CKAP2L: variants seen among roughly 807,000 people sequenced by gnomAD.
The protein encoded by CKAP2L is cytoskeleton associated protein 2L, also known as cytoskeleton-associated protein 2-like.
CKAP2L carries 42 observed loss-of-function variants against 65.7 expected under a neutral mutation model. The observed-to-expected ratio is 0.64, with a 90% CI of 0.50 to 0.83. The LOEUF (loss-of-function observed/expected upper bound fraction) is 0.83, where lower values mean the gene tolerates loss of function less well. CKAP2L is among the 40% of genes least tolerant of loss of function. CKAP2L has a pLI of 0.00. For synonymous variants in CKAP2L, 325 were observed against 313.5 expected (o/e 1.04, Z -0.39); for missense variants, 908 against 871.0 (o/e 1.04, Z -0.53).
At chr2:112,740,028 G>C (rs1679788335) in intron 8 of CKAP2L, among the ~76,000 whole-genome samples, 1 of 152,122 alleles carries the variant, frequency 6.6e-6, no homozygotes, top group Non-Finnish European at 1.5e-5. Context: ...AATCTTGGCA[G>C]ACTTGCCTGC....
intron 2 of CKAP2L, among the ~76,000 whole-genome samples, chr2:112,762,077 C>G (rs1398336096): frequency 6.6e-6 from 1 of 152,138 alleles, no homozygotes; most frequent in Non-Finnish European, 1.5e-5. Flanking sequence ...GAGAATGACC[C>G]AAGAGCAGAG....
chr2:112,741,341 C>T (rs60954436), intron 7 of CKAP2L, among the ~76,000 whole-genome samples: 4,978 of 152,228 alleles, frequency 0.033, 273 homozygotes, highest in African/African-American at 0.11. Context: ...TGGCCTTCTA[C>T]CCTTACACCA....
rs1395271168 is a variant in CKAP2L at position 112,749,289 on chromosome 2, A to G, written c.1603-2714T>C. Among the ~76,000 whole-genome samples the G allele has an allele frequency of 2.0e-5, 3 of 152,230 alleles. No homozygotes were observed. The East Asian group carries it at 5.8e-4, about 29-fold the overall frequency. ...CAGGTGTGGCAAGATTAATCAGACA[A>G]AAGAAATCAAAGCAAGTCATGAATC... is the stretch of plus-strand genomic sequence containing the variant. On this transcript the variant is annotated intron_variant, in intron 5 of 8. Transcript: ENST00000302450.
chr2:112,758,822 C>G (rs1680624397), intron 3 of CKAP2L, among the ~76,000 whole-genome samples: 1 of 152,194 alleles, frequency 6.6e-6, no homozygotes, highest in South Asian at 2.1e-4. Flanking sequence ...ATACAGCAAT[C>G]ACCACTGTCT....
At chr2:112,763,099 TTG>T (rs1680779702) in intron 1 of CKAP2L, among the ~76,000 whole-genome samples, 2 of 152,204 alleles carry the variant, frequency 1.3e-5, no homozygotes, top group Non-Finnish European at 2.9e-5. Context: ...ATTTACATTA[TTG>T]CTTTCAATCC....
rs570053415 is a variant in CKAP2L at position 112,746,709 on chromosome 2, A to T, written c.1603-134T>A. The T allele has an allele frequency of 3.2e-4, 180 of 559,578 alleles. 1 individual carries two copies. In the East Asian group the frequency reaches 4.4e-3, roughly 14 times the overall value. 34.7% of individuals were successfully genotyped at this position (559,578 alleles called of 1,614,324 possible). On this transcript the variant is annotated intron_variant, in intron 5 of 8. Coordinates refer to ENST00000302450, the MANE Select transcript of CKAP2L (RefSeq NM_152515.5). ...ATTTTTGAACTTTTAAAAAAATTTC[A>T]ATTTTACTGAGGTACAATGTACATG...
chr2:112,760,812 G>A (rs1432216381), intron 2 of CKAP2L, 48 bp from the exon 3 acceptor site: 1 of 991,900 alleles, frequency 1.0e-6, no homozygotes, highest in Non-Finnish European at 1.5e-6. Flanking sequence ...AGGATTCTAA[G>A]CTAAGCTTGG....
chr2:112,752,227 C>CT, intron 5 of CKAP2L, 40 bp downstream of exon 5: 1 of 1,468,420 alleles, frequency 6.8e-7, no homozygotes, highest in Non-Finnish European at 9.4e-7. Context: ...AATTATAAGA[C>CT]TTTGGGCCAA....
chr2:112,754,701 CCTT>C (rs943325762), intron 4 of CKAP2L, among the ~76,000 whole-genome samples: 1 of 152,214 alleles, frequency 6.6e-6, no homozygotes, highest in African/African-American at 2.4e-5. Flanking sequence ...TCTCTAGACT[CCTT>C]CTCTTTTGTA....
chr2:112,761,248 C>T (rs1176838161), intron 2 of CKAP2L, among the ~76,000 whole-genome samples: 2 of 151,904 alleles, frequency 1.3e-5, no homozygotes, highest in East Asian at 3.9e-4. Flanking sequence ...ATCATGAGAT[C>T]AGGAAATAGA....
Position 112,752,483 on chromosome 2 carries a change from C to A in CKAP2L, c.1395-9G>T, listed in dbSNP as rs749227030. On this transcript the variant is annotated splice_polypyrimidine_tract_variant and intron_variant, in intron 4 of 8. Coordinates refer to ENST00000302450, the MANE Select transcript of CKAP2L (RefSeq NM_152515.5). Reference sequence around the variant, plus strand: ...ATTCTTCTAGTTGTTTCCTGAAATTCAATTAAAGGGAGAGTGGTTTTATTT... The same window carrying A: ...ATTCTTCTAGTTGTTTCCTGAAATTAAATTAAAGGGAGAGTGGTTTTATTT... 11 of 1,550,602 alleles carry A rather than the reference C, an allele frequency of 7.1e-6. No homozygotes were observed. In the South Asian group the frequency reaches 1.0e-4, roughly 15 times the overall value.
intron 3 of CKAP2L, among the ~76,000 whole-genome samples, chr2:112,759,388 T>C (rs1225716507): frequency 2.0e-5 from 3 of 152,260 alleles, no homozygotes; most frequent in South Asian, 4.1e-4. Flanking sequence ...AAGCATTATA[T>C]AACTGTAATG....
At chr2:112,764,110 A>T (rs546631779) in intron 1 of CKAP2L, 1 of 200,352 alleles carries the variant, frequency 5.0e-6, no homozygotes, top group Non-Finnish European at 1.1e-5. Flanking sequence ...CCGCAGGCTG[A>T]GAGGTGTGGA....
At chr2:112,759,016 G>A (rs1680630642) in intron 3 of CKAP2L, among the ~76,000 whole-genome samples, 1 of 152,188 alleles carries the variant, frequency 6.6e-6, no homozygotes, top group African/African-American at 2.4e-5. Flanking sequence ...GGCCTTTTCT[G>A]TCTGGCTTCT....
chr2:112,754,645 C>A (rs754540589), intron 4 of CKAP2L, among the ~76,000 whole-genome samples: 9 of 152,240 alleles, frequency 5.9e-5, no homozygotes, highest in African/African-American at 7.2e-5. Flanking sequence ...TGGCACACTG[C>A]AGGTGCTGAA....
At position 112,757,094 on chromosome 2, in the gene CKAP2L, A is replaced by C; in HGVS notation, c.277T>G (p.Leu93Val). 6.2e-7 allele frequency: 1 copy of C among 1,614,200 alleles called. No homozygotes were observed. The highest frequency in any genetic ancestry group is 8.5e-7 in the Non-Finnish European group (1 of 1,180,040). The change falls in exon 4 of 9, where the codon TTG becomes GTG. Residue 93 changes from leucine (L) to valine (V), a missense_variant. Transcript: ENST00000302450. ...PNTAGSQKPK[L>V]EPPKLLGKRL... ...TTGCCCAGAAGTTTTGGTGGCTCCAACTTCGGCTTCTGGGACCCTGCAGTA... is the reference window on the plus strand; with the variant it reads ...TTGCCCAGAAGTTTTGGTGGCTCCACCTTCGGCTTCTGGGACCCTGCAGTA...
chr2:112,761,113 C>T (rs1680707624), intron 2 of CKAP2L, among the ~76,000 whole-genome samples: 1 of 152,080 alleles, frequency 6.6e-6, no homozygotes, highest in Non-Finnish European at 1.5e-5. Flanking sequence ...TGGAGCACTG[C>T]AATGTGCCAG....
chr2:112,753,719 G>A (rs978185437), intron 4 of CKAP2L, among the ~76,000 whole-genome samples: 1 of 151,680 alleles, frequency 6.6e-6, no homozygotes, highest in Non-Finnish European at 1.5e-5. Context: ...GTAGAGATGG[G>A]GTTTCACAAT....
Position 112,762,512 on chromosome 2 carries a change from T to C in CKAP2L, c.95A>G (p.Gln32Arg). 10 of 1,613,752 alleles carry C rather than the reference T, an allele frequency of 6.2e-6. No individual in the cohort carries two copies. Among genetic ancestry groups the C allele is most frequent in the Non-Finnish European group, 8.5e-6 (10 of 1,179,598 alleles). Reference protein sequence around the residue: ...YLAAKGKLKSQNTKPYLKSKN... With the variant: ...YLAAKGKLKSRNTKPYLKSKN... The stretch of plus-strand genomic sequence containing the variant: ...GGACAGATAAACTCACTTGGTGTTT[T>C]GGCTCTTCAGTTTTCCCTTGGCTGC... Residue 32 changes from glutamine to arginine, a missense_variant, in exon 2 of 9, where the codon CAA (glutamine) becomes CGA (arginine). Gln to Arg is a conservative substitution (Grantham distance 43). Transcript: ENST00000302450.
Sources: allele counts gnomAD v4.1 joint callset (sites outside exome capture counted in the v4.1 genomes callset), GRCh38; gene constraint gnomAD v4.1.1; transcripts MANE v1.5; gene names NCBI Gene and HGNC (gene_info 2026-07-23, HGNC 2026-07-21).